The following CTNNA3 variants were observed in gnomAD, a reference collection of about 807,000 sequenced individuals.
CTNNA3 encodes catenin alpha-3.
In CTNNA3, 76 loss-of-function variants were observed where a neutral mutation model predicts 95.7. That is an observed-to-expected ratio of 0.79 (90% confidence interval 0.66 to 0.96). The LOEUF is 0.96. CTNNA3 is among the 40% of genes least tolerant of loss of function. The probability of loss-of-function intolerance (pLI) is 0.00; values close to 1 mark genes in which losing one functional copy is unlikely to be tolerated. For synonymous variants in CTNNA3, 431 were observed against 374.4 expected (o/e 1.15, Z -1.74); for missense variants, 1,191 against 1,089.8 (o/e 1.09, Z -1.31).
At chr10:66,833,726 C>T (rs180804583) in intron 7 of CTNNA3, among the ~76,000 whole-genome samples, 1 of 152,240 alleles carries the variant, frequency 6.6e-6, no homozygotes, top group Admixed American at 6.5e-5. Context: ...TACTGTACTA[C>T]AAAATCTCAA....
intron 10 of CTNNA3, among the ~76,000 whole-genome samples, chr10:66,536,521 T>C (rs553576318): frequency 6.7e-6 from 1 of 148,778 alleles, no homozygotes; most frequent in South Asian, 2.1e-4. Flanking sequence ...TTCATGAATG[T>C]AGACAAATAA....
At chr10:66,032,027 A>G (rs1249776055) in intron 15 of CTNNA3, among the ~76,000 whole-genome samples, 2 of 152,216 alleles carry the variant, frequency 1.3e-5, no homozygotes, top group Non-Finnish European at 2.9e-5. Flanking sequence ...TATGAAATAG[A>G]AAGATATTTA....
intron 3 of CTNNA3, among the ~76,000 whole-genome samples, chr10:67,541,552 G>A (rs1360556383): frequency 6.6e-6 from 1 of 151,922 alleles, no homozygotes; most frequent in Non-Finnish European, 1.5e-5. Context: ...TGGGAACTTG[G>A]ACAGTAAATG....
chr10:66,379,214 C>T lies in CTNNA3; in HGVS notation c.1670G>A (p.Ser557Asn), dbSNP rs746902160. The change falls in exon 12 of 18, where the codon AGT becomes AAT. Residue 557 changes from serine (S) to asparagine (N), a missense_variant. By Grantham distance (46) the Ser-to-Asn change is conservative. Transcript: ENST00000433211. ...TTCCGTGTAAGCCCCTGGCTCGTAACTGTCCATTTCACCCGTGACGATGTG... is the reference window on the plus strand; with the variant it reads ...TTCCGTGTAAGCCCCTGGCTCGTAATTGTCCATTTCACCCGTGACGATGTG... Reference protein sequence around the residue: ...VAHIVTGEMDSYEPGAYTEGV... With the variant: ...VAHIVTGEMDNYEPGAYTEGV... 1.1e-5 allele frequency: 18 copies of T among 1,614,040 alleles called. No homozygotes were observed. The South Asian group carries it at 2.0e-4, about 18-fold the overall frequency.
intron 3 of CTNNA3, among the ~76,000 whole-genome samples, chr10:67,589,061 A>G (rs559918362): frequency 1.1e-4 from 16 of 152,204 alleles, no homozygotes; most frequent in South Asian, 2.1e-4. Flanking sequence ...ATTATTTTTA[A>G]AAGAGAGAAA....
chr10:66,888,547 ATT>A (rs11321237), intron 7 of CTNNA3, among the ~76,000 whole-genome samples: 42 of 149,204 alleles, frequency 2.8e-4, no homozygotes, highest in African/African-American at 3.7e-4. Flanking sequence ...GTAGTTTTTC[ATT>A]TTTTTTTTTT....
At chr10:67,726,520 T>C (rs1181509251) in intron 1 of CTNNA3, among the ~76,000 whole-genome samples, 6 of 70,924 alleles carry the variant, frequency 8.5e-5, no homozygotes, top group African/African-American at 3.1e-4. Context: ...TATATTATAT[T>C]ATATTATATA....
intron 12 of CTNNA3, among the ~76,000 whole-genome samples, chr10:66,307,185 TC>T (rs1340692067): frequency 2.6e-5 from 4 of 152,168 alleles, no homozygotes; most frequent in African/African-American, 9.7e-5. Flanking sequence ...GTGACCTTCT[TC>T]CTGTATGTAA....
At chr10:66,078,512 A>G (rs1017148049) in intron 14 of CTNNA3, among the ~76,000 whole-genome samples, 1 of 151,900 alleles carries the variant, frequency 6.6e-6, no homozygotes, top group African/African-American at 2.4e-5. Context: ...TGTTCAGGAC[A>G]CTATATTCGC....
chr10:66,926,604 T>C, intron 7 of CTNNA3: 1 of 1,614,014 alleles, frequency 6.2e-7, no homozygotes, highest in East Asian at 2.2e-5. Flanking sequence ...TTTGTCATTT[T>C]TCTTCTTTCC....
At chr10:66,860,499 G>A (rs7898023) in intron 7 of CTNNA3, among the ~76,000 whole-genome samples, 132,424 of 152,162 alleles carry the variant, frequency 0.87, 58,052 homozygotes, top group African/African-American at 0.96. Flanking sequence ...TTCTACAGTC[G>A]GCAGAAGTAA....
At chr10:66,486,340 C>G (rs1474909987) in intron 11 of CTNNA3, among the ~76,000 whole-genome samples, 1 of 152,114 alleles carries the variant, frequency 6.6e-6, no homozygotes, top group Non-Finnish European at 1.5e-5. Context: ...AATGAACTCA[C>G]TGAACTCAAT....
intron 15 of CTNNA3, among the ~76,000 whole-genome samples, chr10:66,008,268 T>G (rs1175414697): frequency 6.6e-6 from 1 of 152,234 alleles, no homozygotes; most frequent in Non-Finnish European, 1.5e-5. Flanking sequence ...ATTCAAATCC[T>G]TTGCAGCTTT....
chr10:67,188,341 A>G (rs1862961255), intron 6 of CTNNA3, among the ~76,000 whole-genome samples: 1 of 152,174 alleles, frequency 6.6e-6, no homozygotes, highest in Admixed American at 6.5e-5. Flanking sequence ...CAAAAAATAT[A>G]AAAGTTAGCT....
At chr10:67,457,827 C>T (rs530561573) in intron 5 of CTNNA3, among the ~76,000 whole-genome samples, 2 of 152,230 alleles carry the variant, frequency 1.3e-5, no homozygotes, top group East Asian at 1.9e-4. Context: ...CTCTCTCCTG[C>T]CTCTCTCTTC....
intron 12 of CTNNA3, among the ~76,000 whole-genome samples, chr10:66,366,754 T>C (rs2092713550): frequency 6.6e-6 from 1 of 152,110 alleles, no homozygotes; most frequent in Admixed American, 6.6e-5. Flanking sequence ...AAAAGCTTAC[T>C]GAGCACCTTT....
At chr10:67,707,797 T>C (rs960707948) in intron 1 of CTNNA3, among the ~76,000 whole-genome samples, 2 of 152,290 alleles carry the variant, frequency 1.3e-5, no homozygotes. Flanking sequence ...TGATACGAAA[T>C]GAAAGATGTC....
At chr10:66,297,858 G>A (rs536914140) in intron 12 of CTNNA3, among the ~76,000 whole-genome samples, 2 of 152,128 alleles carry the variant, frequency 1.3e-5, no homozygotes, top group African/African-American at 2.4e-5. Context: ...GGGCACTTAC[G>A]TCCAGCTTGC....
At chr10:67,513,110 C>G (rs1021940935) in intron 5 of CTNNA3, among the ~76,000 whole-genome samples, 1 of 152,166 alleles carries the variant, frequency 6.6e-6, no homozygotes. Context: ...TTAAAAGCAT[C>G]TTTGTTGTTC....
Sources: gnomAD v4.1 joint callset for allele counts (sites outside exome capture counted in the v4.1 genomes callset) on GRCh38, gnomAD v4.1.1 for gene constraint, MANE v1.5 for transcripts, NCBI Gene and HGNC (gene_info 2026-07-23, HGNC 2026-07-21) for gene names.